RNF180: variants seen among roughly 807,000 people sequenced by gnomAD.
RNF180 encodes the protein E3 ubiquitin-protein ligase RNF180.
RNF180 carries 38 observed loss-of-function variants against 59.2 expected under a neutral mutation model. The observed-to-expected ratio is 0.64, with a 90% CI of 0.50 to 0.84. The LOEUF (loss-of-function observed/expected upper bound fraction) is 0.84, where lower values mean the gene tolerates loss of function less well. RNF180 is among the 40% of genes least tolerant of loss of function. The pLI is 0.00. For synonymous variants in RNF180, 262 were observed against 240.3 expected (o/e 1.09, Z -0.84); for missense variants, 705 against 700.9 (o/e 1.01, Z -0.07).
At position 64,225,102 on chromosome 5, in the gene RNF180, G is replaced by A. The variant is rs553371952; in HGVS notation, c.1227+7706G>A. On this transcript the variant is annotated intron_variant, in intron 5 of 7. Coordinates refer to ENST00000389100, the MANE Select transcript of RNF180 (RefSeq NM_001113561.2). ...GTTTTATGTAAAGCCAGCTTGTTAG[G>A]GGAAAAAATCAGAATCATCAGCTAG... Among the ~76,000 whole-genome samples the A allele has an allele frequency of 2.0e-5, 3 of 152,266 alleles. No individual in the cohort carries two copies. In the East Asian group the frequency reaches 5.8e-4, roughly 29 times the overall value.
intron 5 of RNF180, among the ~76,000 whole-genome samples, chr5:64,256,268 C>T (rs1743948399): frequency 6.6e-6 from 1 of 152,148 alleles, no homozygotes; most frequent in African/African-American, 2.4e-5. Flanking sequence ...GACATGAAGT[C>T]CTTGCCCGTG....
rs1171637074 is a variant in RNF180 at position 64,234,578 on chromosome 5, CTTTTTTTTTTTTTTTTTTTTTTTT to C, written c.1227+17198_1227+17221del. Among the ~76,000 whole-genome samples, 59 of 48,508 alleles carry C rather than the reference CTTTTTTTTTTTTTTTTTTTTTTTT, an allele frequency of 1.2e-3. 3 individuals are homozygous for C. In the Admixed American group the frequency reaches 0.014, roughly 12 times the overall value. 31.8% of individuals were successfully genotyped at this position (48,508 alleles called of 152,430 possible). On this transcript the variant is annotated intron_variant, in intron 5 of 7. Transcript: ENST00000389100. ...GCTTTCCAAATGGCAGTTACCCGTT[CTTTTTTTTTTTTTTTTTTTTTTTT>C]TTTTTTTTTTTTTTTGAGAAGGAGT...
intron 7 of RNF180, among the ~76,000 whole-genome samples, chr5:64,336,838 A>G (rs1447571039): frequency 2.0e-5 from 3 of 151,936 alleles, no homozygotes; most frequent in Non-Finnish European, 4.4e-5. Flanking sequence ...TTCTTCTGCC[A>G]TTTTTATCAT....
chr5:64,255,251 C>T (rs1034275212), intron 5 of RNF180, among the ~76,000 whole-genome samples: 7 of 152,020 alleles, frequency 4.6e-5, no homozygotes, highest in Non-Finnish European at 8.8e-5. Flanking sequence ...ATGTGCACAA[C>T]GTGCAGGTTT....
At chr5:64,341,773 G>T (rs1745364469) in intron 7 of RNF180, among the ~76,000 whole-genome samples, 1 of 152,134 alleles carries the variant, frequency 6.6e-6, no homozygotes, top group Non-Finnish European at 1.5e-5. Context: ...TCCTGAGGAT[G>T]AATCCATGTC....
intron 7 of RNF180, among the ~76,000 whole-genome samples, chr5:64,353,586 GTATAAA>G: frequency 6.6e-6 from 1 of 151,770 alleles, no homozygotes; most frequent in South Asian, 2.1e-4. Flanking sequence ...GAATTCATGA[GTATAAA>G]TATAAATGTA....
At chr5:64,307,177 C>T (rs1743515602) in intron 5 of RNF180, among the ~76,000 whole-genome samples, 1 of 149,254 alleles carries the variant, frequency 6.7e-6, no homozygotes, top group Non-Finnish European at 1.5e-5. Context: ...TCTTTCCCAT[C>T]TAGTATAAGA....
intron 2 of RNF180, among the ~76,000 whole-genome samples, chr5:64,209,037 A>G (rs906973163): frequency 6.6e-6 from 1 of 152,004 alleles, no homozygotes; most frequent in Non-Finnish European, 1.5e-5. Flanking sequence ...TAAAGCATAC[A>G]CAGGCTAGAG....
intron 4 of RNF180, among the ~76,000 whole-genome samples, chr5:64,216,954 ACT>A (rs1752665126): frequency 6.6e-6 from 1 of 152,148 alleles, no homozygotes; most frequent in Non-Finnish European, 1.5e-5. Context: ...CATTTTGATC[ACT>A]CTCAAAACTC....
rs1001356522 is a variant in RNF180 at position 64,372,731 on chromosome 5, A to G, written c.*2917A>G. The stretch of plus-strand genomic sequence containing the variant: ...GCCAGAAAACACTGTCATTTAGGAA[A>G]GTGTTCCTAAAGGTTTGAATGCTTT... On this transcript the variant is annotated 3_prime_UTR_variant, in exon 8 of 8. Coordinates refer to ENST00000389100, the MANE Select transcript of RNF180 (RefSeq NM_001113561.2). 2.6e-5 allele frequency: 4 copies of G among 151,884 alleles called. No individual in the cohort carries two copies. Among genetic ancestry groups the G allele is most frequent in the African/African-American group, 9.7e-5 (4 of 41,418 alleles). The allele number at this position is 151,884 out of a possible 1,614,324, so 9.4% of individuals were successfully genotyped here.
At chr5:64,266,325 A>T (rs1744676444) in intron 5 of RNF180, among the ~76,000 whole-genome samples, 1 of 152,150 alleles carries the variant, frequency 6.6e-6, no homozygotes, top group African/African-American at 2.4e-5. Flanking sequence ...TTCTGTTACT[A>T]GCAAAACTGA....
intron 7 of RNF180, among the ~76,000 whole-genome samples, chr5:64,330,791 C>T (rs1339519342): frequency 1.3e-5 from 2 of 152,244 alleles, no homozygotes; most frequent in Non-Finnish European, 2.9e-5. Context: ...CAGGGCTGCA[C>T]ATTCCACAGA....
At chr5:64,251,869 A>G (rs1743602349) in intron 5 of RNF180, among the ~76,000 whole-genome samples, 1 of 152,204 alleles carries the variant, frequency 6.6e-6, no homozygotes, top group South Asian at 2.1e-4. Context: ...ATACCTAGAA[A>G]TAAGTTGAAC....
intron 7 of RNF180, among the ~76,000 whole-genome samples, chr5:64,364,980 G>A (rs1746393353): frequency 6.6e-6 from 1 of 150,390 alleles, no homozygotes. Flanking sequence ...AGTCTAGCTA[G>A]TGGCCTGTCT....
At chr5:64,366,962 T>G (rs1344446851) in intron 7 of RNF180, among the ~76,000 whole-genome samples, 1 of 151,504 alleles carries the variant, frequency 6.6e-6, no homozygotes, top group Non-Finnish European at 1.5e-5. Flanking sequence ...AAAGATAGAA[T>G]TTTTAGAACA....
In RNF180 at chr5:64,245,159, C is replaced by T. The variant is rs192802744; in HGVS notation, c.1227+27763C>T. Among the ~76,000 whole-genome samples, 5 of 152,178 alleles carry T rather than the reference C, an allele frequency of 3.3e-5. No individual in the cohort carries two copies. The East Asian group carries it at 9.7e-4, about 29-fold the overall frequency. On this transcript the variant is annotated intron_variant, in intron 5 of 7. Coordinates refer to ENST00000389100, the MANE Select transcript of RNF180 (RefSeq NM_001113561.2). Reference sequence around the variant, plus strand: ...CATACCAAATTGTAAAGGCCATCAACACTATGAAGAAACTGCAACAACTAA... The same window carrying T: ...CATACCAAATTGTAAAGGCCATCAATACTATGAAGAAACTGCAACAACTAA...
At chr5:64,191,695 A>G (rs181495017) in intron 1 of RNF180, among the ~76,000 whole-genome samples, 3 of 152,286 alleles carry the variant, frequency 2.0e-5, no homozygotes, top group Admixed American at 2.0e-4. Flanking sequence ...TTTTTATATT[A>G]GCACCTTATC....
chr5:64,351,677 T>A (rs545908033), intron 7 of RNF180, among the ~76,000 whole-genome samples: 4 of 151,626 alleles, frequency 2.6e-5, no homozygotes, highest in African/African-American at 9.7e-5. Context: ...GGTTTTTGTC[T>A]TTGGTTCTGT....
intron 1 of RNF180, among the ~76,000 whole-genome samples, chr5:64,193,020 G>A (rs1277868160): frequency 6.7e-6 from 1 of 149,490 alleles, no homozygotes. Flanking sequence ...TATGCTAAGT[G>A]AAATAAGGCA....
Sources: gnomAD v4.1 joint callset for allele counts (sites outside exome capture counted in the v4.1 genomes callset) on GRCh38, gnomAD v4.1.1 for gene constraint, MANE v1.5 for transcripts, NCBI Gene and HGNC (gene_info 2026-07-23, HGNC 2026-07-21) for gene names.